The following MMP16 variants were observed in gnomAD, a reference collection of about 807,000 sequenced individuals.
MMP16 encodes matrix metalloproteinase-16.
Under a neutral mutation model 67.8 loss-of-function variants are expected in MMP16, and 12 were observed. The ratio of observed to expected loss-of-function variants is 0.18; its 90% CI spans 0.11 to 0.29. The LOEUF (loss-of-function observed/expected upper bound fraction) is 0.29. Among genes scored for constraint, MMP16 ranks in the 10% least tolerant of loss-of-function variants. The probability of loss-of-function intolerance (pLI) is 1.00; values close to 1 mark genes in which losing one functional copy is unlikely to be tolerated. For synonymous variants in MMP16, 249 were observed against 255.9 expected, an observed-to-expected ratio of 0.97 and a Z score of 0.26; for missense variants, 475 against 765.7, an observed-to-expected ratio of 0.62 and a Z score of 4.48.
chr8:88,289,912 T>TCAATACCCTG (rs1329636937), intron 1 of MMP16, among the ~76,000 whole-genome samples: 1 of 152,036 alleles, frequency 6.6e-6, no homozygotes, highest in Non-Finnish European at 1.5e-5. Flanking sequence ...GGTGCTTCCC[T>TCAATACCCTG]CACTACCCTG....
chr8:88,094,224 T>C (rs1253532173), intron 6 of MMP16, among the ~76,000 whole-genome samples: 3 of 151,974 alleles, frequency 2.0e-5, no homozygotes, highest in East Asian at 3.9e-4. Flanking sequence ...GTTTCTTCCA[T>C]ATAACCCAAC....
chr8:88,056,165 C>G lies in MMP16; in HGVS notation c.1336G>C (p.Glu446Gln). 1 of 1,590,932 alleles carries G rather than the reference C, an allele frequency of 6.3e-7. No individual in the cohort carries two copies. Among genetic ancestry groups the G allele is most frequent in the Non-Finnish European group, 8.6e-7 (1 of 1,166,964 alleles). ...PHGIDSAIWW[E>Q]DVGKTYFFKG... is the part of the protein sequence containing the mutation. The stretch of plus-strand genomic sequence containing the variant: ...AAGAAATAGGTTTTCCCGACGTCCT[C>G]CCACCAAATGGCTGAATCAATACCA... Residue 446 changes from glutamate (E) to glutamine (Q), a missense_variant, in exon 8 of 10, where the codon GAG becomes CAG. Glu to Gln is a conservative substitution (Grantham distance 29). Around this residue, in one of 5 missense-constraint regions of MMP16, gnomAD observed 195 missense variants for 300.9 expected, o/e 0.65. Transcript: ENST00000286614.
intron 1 of MMP16, among the ~76,000 whole-genome samples, chr8:88,212,292 G>T (rs1247908768): frequency 6.6e-6 from 1 of 152,022 alleles, no homozygotes; most frequent in Non-Finnish European, 1.5e-5. Flanking sequence ...AAAGTAAATG[G>T]TATTTGCTAA....
intron 1 of MMP16, among the ~76,000 whole-genome samples, chr8:88,304,147 T>C (rs936630626): frequency 6.6e-6 from 1 of 152,042 alleles, no homozygotes; most frequent in African/African-American, 2.4e-5. Flanking sequence ...AACTTCACAA[T>C]GCAATCACAA....
At chr8:88,080,391 G>T (rs138526539) in intron 6 of MMP16, among the ~76,000 whole-genome samples, 4 of 152,120 alleles carry the variant, frequency 2.6e-5, no homozygotes, top group African/African-American at 9.7e-5. Context: ...ATAAATACAC[G>T]TTTGCTCACA....
At chr8:88,217,504 TAC>T (rs1809612948) in intron 1 of MMP16, among the ~76,000 whole-genome samples, 1 of 152,102 alleles carries the variant, frequency 6.6e-6, no homozygotes, top group Admixed American at 6.6e-5. Flanking sequence ...CAGGGTTCAA[TAC>T]AGTTTTCTTC....
chr8:88,168,853 T>TA (rs1808756779), intron 3 of MMP16, among the ~76,000 whole-genome samples: 3 of 152,126 alleles, frequency 2.0e-5, no homozygotes, highest in Admixed American at 1.3e-4. Context: ...TCTATGAACT[T>TA]ACACTAATGA....
chr8:88,193,702 A>G (rs933017333), intron 2 of MMP16, among the ~76,000 whole-genome samples: 1 of 152,062 alleles, frequency 6.6e-6, no homozygotes, highest in African/African-American at 2.4e-5. Flanking sequence ...CAAGTACCCT[A>G]TAAATATATA....
intron 4 of MMP16, among the ~76,000 whole-genome samples, chr8:88,157,368 T>A (rs537693875): frequency 6.6e-6 from 1 of 151,922 alleles, no homozygotes; most frequent in South Asian, 2.1e-4. Context: ...TATGCAAATA[T>A]TAAACCATCT....
intron 1 of MMP16, among the ~76,000 whole-genome samples, chr8:88,325,212 CA>C (rs1278982902): frequency 6.6e-6 from 1 of 152,144 alleles, no homozygotes; most frequent in Non-Finnish European, 1.5e-5. Context: ...TTAGTACAAT[CA>C]TAACTTTTTT....
In MMP16 at chr8:88,254,276, G is replaced by A. The variant is rs115492624; in HGVS notation, c.133-56970C>T. On this transcript the variant is annotated intron_variant, in intron 1 of 9. Coordinates refer to ENST00000286614, the MANE Select transcript of MMP16 (RefSeq NM_005941.5). ...CTAAATGATGAGAACACATGGACACGTCCAGGGAAACAACTCACACAGGCC... is the reference window on the plus strand; with the variant it reads ...CTAAATGATGAGAACACATGGACACATCCAGGGAAACAACTCACACAGGCC... Among the ~76,000 whole-genome samples the A allele has an allele frequency of 3.6e-3, 544 of 152,066 alleles. 5 individuals carry two copies. Among genetic ancestry groups the A allele is most frequent in the African/African-American group, 0.012 (514 of 41,516 alleles).
At chr8:88,081,588 A>G (rs1808752604) in intron 6 of MMP16, among the ~76,000 whole-genome samples, 1 of 152,112 alleles carries the variant, frequency 6.6e-6, no homozygotes, top group East Asian at 1.9e-4. Context: ...CCATCTCTAA[A>G]AAGAATTAAA....
intron 6 of MMP16, among the ~76,000 whole-genome samples, chr8:88,079,461 T>C (rs1808708779): frequency 6.6e-6 from 1 of 152,190 alleles, no homozygotes. Flanking sequence ...TGGTACTATC[T>C]GCAGTTTGAG....
intron 3 of MMP16, among the ~76,000 whole-genome samples, chr8:88,179,279 C>T (rs1808941538): frequency 6.6e-6 from 1 of 151,862 alleles, no homozygotes; most frequent in Non-Finnish European, 1.5e-5. Context: ...AAGAACCATG[C>T]AAGCAAAAAC....
intron 4 of MMP16, among the ~76,000 whole-genome samples, chr8:88,166,334 G>A (rs1808709936): frequency 6.6e-6 from 1 of 151,750 alleles, no homozygotes; most frequent in Non-Finnish European, 1.5e-5. Flanking sequence ...ATAAAAACTG[G>A]GGATATGGCT....
chr8:88,055,296 C>A (rs1007820233), intron 8 of MMP16, among the ~76,000 whole-genome samples: 1 of 152,124 alleles, frequency 6.6e-6, no homozygotes, highest in African/African-American at 2.4e-5. Flanking sequence ...CAGCCTTTGC[C>A]TCCCTGGTTC....
At chr8:88,125,391 A>T (rs758407483) in intron 4 of MMP16, among the ~76,000 whole-genome samples, 6 of 151,960 alleles carry the variant, frequency 3.9e-5, no homozygotes, top group Non-Finnish European at 4.4e-5. Flanking sequence ...AACACTGTGC[A>T]CTTAAAATAT....
At chr8:88,155,700 C>T (rs1169055886) in intron 4 of MMP16, among the ~76,000 whole-genome samples, 1 of 152,042 alleles carries the variant, frequency 6.6e-6, no homozygotes, top group African/African-American at 2.4e-5. Flanking sequence ...AATGGCTTAC[C>T]AAGATTTTCT....
rs1338459727 is a variant in MMP16, at chr8:88,109,161, A to G, written c.1083+7346T>C. 4.6e-5 allele frequency among the ~76,000 whole-genome samples: 7 copies of G among 151,376 alleles called. 1 individual carries two copies. In the South Asian group the frequency reaches 1.2e-3, roughly 27 times the overall value. ...GGTTCTTCTAGTTAAGTGTAATCCA[A>G]TGAGTTATTCATTTGTGTCAAAAAT... On this transcript the variant is annotated intron_variant, in intron 6 of 9. Transcript: ENST00000286614.
Sources: gnomAD v4.1 joint callset for allele counts (sites outside exome capture counted in the v4.1 genomes callset) on GRCh38, gnomAD v4.1.1 for gene constraint, gnomAD v4.1.1 regional missense constraint, MANE v1.5 for transcripts, NCBI Gene and HGNC (gene_info 2026-07-23, HGNC 2026-07-21) for gene names.